The following BCORL1 variants were observed in gnomAD, a reference collection of about 807,000 sequenced individuals.
The protein encoded by BCORL1 is BCL6 corepressor like 1.
A neutral mutation model predicts 87.6 loss-of-function variants in BCORL1; 7 were observed. The ratio of observed to expected loss-of-function variants is 0.08; its 90% CI spans 0.05 to 0.15. The LOEUF (loss-of-function observed/expected upper bound fraction) is 0.15, where lower values mean the gene tolerates loss of function less well. Among genes scored for constraint, BCORL1 ranks in the 10% least tolerant of loss-of-function variants. BCORL1 has a pLI of 1.00. For synonymous variants in BCORL1, 591 were observed against 634.4 expected (o/e 0.93, Z 1.03); for missense variants, 1,215 against 1,499.7 (o/e 0.81, Z 3.13).
intron 11 of BCORL1, among the ~76,000 whole-genome samples, chrX:130,039,748 A>C (rs1201832621): frequency 1.8e-5 from 2 of 113,198 alleles, no homozygotes; most frequent in Admixed American, 1.9e-4. Flanking sequence ...CCGAAGCTTC[A>C]TTCTTTACAG....
At chrX:129,999,155 C>T (rs1254876250) in intron 1 of BCORL1, among the ~76,000 whole-genome samples, 1 of 105,832 alleles carries the variant, frequency 9.4e-6, no homozygotes, top group Non-Finnish European at 1.9e-5. Context: ...GATTTCTGTC[C>T]CAGACCCTAC....
intron 2 of BCORL1, among the ~76,000 whole-genome samples, chrX:130,008,113 A>C (rs1195584383): frequency 9.1e-6 from 1 of 110,207 alleles, no homozygotes; most frequent in Non-Finnish European, 1.9e-5. Context: ...TAGTAGAGAC[A>C]GGGTTTCACC....
rs371180116 is a variant in BCORL1 at position 130,028,899 on chromosome X, T to A, written c.4305+38T>A. The A allele has an allele frequency of 3.4e-4, 84 of 248,543 alleles. No homozygotes were observed. In the African/African-American group the frequency reaches 6.9e-3, roughly 20 times the overall value. 20.5% of individuals were successfully genotyped at this position (248,543 alleles called of 1,213,427 possible). A position where few individuals can be genotyped will look rare whatever the true frequency, so the allele number is the denominator to read the frequency against. On this transcript the variant is annotated intron_variant, in intron 8 of 13. Coordinates refer to ENST00000540052, the MANE Select transcript of BCORL1 (RefSeq NM_001379451.1). ...CAAGGGGTATTGTAGAAGGTGTGTG[T>A]GGCGGGGGGTCAGAGGAGGCAGGAG... is the stretch of plus-strand genomic sequence containing the variant.
intron 9 of BCORL1, among the ~76,000 whole-genome samples, chrX:130,036,256 A>G (rs1200624693): frequency 9.2e-6 from 1 of 108,925 alleles, no homozygotes; most frequent in Admixed American, 9.7e-5. Flanking sequence ...GCAGTATTGG[A>G]TTATCCTTTT....
chrX:130,015,029 A>G lies in BCORL1; in HGVS notation c.2257A>G (p.Ile753Val). 8.3e-7 allele frequency: 1 copy of G among 1,211,743 alleles called. No individual in the cohort carries two copies. The highest frequency in any genetic ancestry group is 1.1e-6 in the Non-Finnish European group (1 of 895,513). Residue 753 changes from isoleucine to valine, a missense_variant, in exon 4 of 14, where the codon ATC becomes GTC. Ile to Val is a conservative substitution (Grantham distance 29, BLOSUM62 3). This residue lies in a region of BCORL1 where 861 missense variants were observed against 1,010.0 expected (regional missense o/e 0.85). Coordinates refer to ENST00000540052, the MANE Select transcript of BCORL1 (RefSeq NM_001379451.1). ...TCTCCCCAAGCAGGAGCCCATCTCCATCATTGATCAAGGAGAGCCTAAGGG... is the reference window on the plus strand; with the variant it reads ...TCTCCCCAAGCAGGAGCCCATCTCCGTCATTGATCAAGGAGAGCCTAAGGG... Reference protein sequence around the residue: ...RHLPKQEPISIIDQGEPKGTG... With the variant: ...RHLPKQEPISVIDQGEPKGTG...
At position 130,022,791 on chromosome X, in the gene BCORL1, A is replaced by G. The variant is rs976639601; in HGVS notation, c.3608-106A>G. 4 of 702,343 alleles carry G rather than the reference A, an allele frequency of 5.7e-6. No individual in the cohort carries two copies. In the African/African-American group the frequency reaches 8.5e-5, roughly 15 times the overall value. 57.9% of individuals were successfully genotyped at this position (702,343 alleles called of 1,213,427 possible). Reference sequence around the variant, plus strand: ...CCAGATTAACCACAGGGTAAACACAAACTCTTTCTCAATCTTTCCCCCGAG... The same window carrying G: ...CCAGATTAACCACAGGGTAAACACAGACTCTTTCTCAATCTTTCCCCCGAG... On this transcript the variant is annotated intron_variant, in intron 5 of 13. Transcript: ENST00000540052.
chrX:130,039,364 C>A (rs1931178420), intron 11 of BCORL1, 82 bp downstream of exon 11: 2 of 1,111,010 alleles, frequency 1.8e-6, no homozygotes, highest in South Asian at 3.9e-5. Context: ...CTCTTCATCT[C>A]CTTCCACCTT....
In BCORL1 at chrX:130,013,401, C is replaced by T. The variant is rs267606346; in HGVS notation, c.629C>T (p.Ser210Leu). 2.4e-5 allele frequency: 29 copies of T among 1,209,269 alleles called. No homozygotes were observed. The highest frequency in any genetic ancestry group is 4.6e-4 in the Middle Eastern group (2 of 4,355). Residue 210 changes from serine to leucine, a missense_variant, in exon 4 of 14, where the codon TCG becomes TTG. Transcript: ENST00000540052. The part of the protein sequence containing the change: ...PAPICPPAPG[S>L]ASVPHSVPDA... ...CCTATCTGTCCCCCTGCTCCCGGTTCGGCCTCTGTGCCCCACTCTGTTCCA... is the reference window on the plus strand; with the variant it reads ...CCTATCTGTCCCCCTGCTCCCGGTTTGGCCTCTGTGCCCCACTCTGTTCCA...
chrX:130,014,668 G>A lies in BCORL1; in HGVS notation c.1896G>A (p.Lys632=). 8.3e-7 allele frequency: 1 copy of A among 1,211,388 alleles called. No homozygotes were observed. Among genetic ancestry groups the A allele is most frequent in the Non-Finnish European group, 1.1e-6 (1 of 895,459 alleles). ...LDLSSKSNRQ[K]LPLPNQRKTP... ...TGTCCTCCAAGTCCAACCGCCAGAAGCTTCCATTGCCGAACCAGCGCAAGA... is the reference window on the plus strand; with the variant it reads ...TGTCCTCCAAGTCCAACCGCCAGAAACTTCCATTGCCGAACCAGCGCAAGA... Residue 632 remains lysine, a synonymous_variant, in exon 4 of 14, where the codon AAG becomes AAA. Transcript: ENST00000540052.
chrX:130,050,303 T>G (rs1048596104), intron 11 of BCORL1, among the ~76,000 whole-genome samples: 1 of 109,130 alleles, frequency 9.2e-6, no homozygotes, highest in Non-Finnish European at 1.9e-5. Context: ...CCAGGTGTGG[T>G]GGTATGCACC....
chrX:130,051,967 G>A lies in BCORL1; in HGVS notation c.5026G>A (p.Asp1676Asn). ...EEDDFMFELS[D>N]KPLLPCYNLQ... ...GGATGATTTCATGTTTGAACTCTCA[G>A]ACAAGCCTCTTCTCCCTTGCTACAA... Residue 1676 changes from aspartate to asparagine, a missense_variant, in exon 13 of 14, where the codon GAC becomes AAC. By Grantham distance (23) the Asp-to-Asn change is conservative (BLOSUM62 1). This residue lies in a region of BCORL1 where 129 missense variants were observed against 157.5 expected (regional missense o/e 0.82). Transcript: ENST00000540052. 1 of 1,208,956 alleles carries A rather than the reference G, an allele frequency of 8.3e-7. No individual in the cohort carries two copies. Among genetic ancestry groups the A allele is most frequent in the Non-Finnish European group, 1.1e-6 (1 of 893,904 alleles).
At chrX:129,995,928 C>T (rs943352566) in intron 1 of BCORL1, among the ~76,000 whole-genome samples, 2 of 111,710 alleles carry the variant, frequency 1.8e-5, no homozygotes, top group South Asian at 7.5e-4. Flanking sequence ...GTTGTCCTTG[C>T]TGGGTGTGTG....
rs757567459 is a variant in BCORL1, at chrX:130,015,129, C to T, written c.2357C>T (p.Thr786Ile). The change falls in exon 4 of 14, where the codon ACT becomes ATT. Residue 786 changes from threonine to isoleucine, a missense_variant. By Grantham distance (89) the Thr-to-Ile change is moderately conservative. Transcript: ENST00000540052. ...EGQPSTVKRY[T>I]PARIAPGLPG... The stretch of plus-strand genomic sequence containing the variant: ...CAGCCAAGCACAGTGAAACGATATA[C>T]TCCAGCCCGCATTGCCCCTGGGCTG... The T allele has an allele frequency of 8.2e-7, 1 of 1,212,334 alleles. No homozygotes were observed. The highest frequency in any genetic ancestry group is 3.0e-5 in the East Asian group (1 of 33,859).
At chrX:130,052,474 C>T (rs960310586) in intron 13 of BCORL1, among the ~76,000 whole-genome samples, 7 of 112,592 alleles carry the variant, frequency 6.2e-5, no homozygotes, top group Non-Finnish European at 1.3e-4. Flanking sequence ...ATGTTAGTAG[C>T]GTGGTGCTGC....
chrX:130,017,230 C>T (rs1056600454), intron 4 of BCORL1, among the ~76,000 whole-genome samples: 1 of 110,709 alleles, frequency 9.0e-6, no homozygotes, highest in East Asian at 2.8e-4. Flanking sequence ...CAAAGCTCAC[C>T]CAGGGACTGC....
Position 130,015,375 on chromosome X carries a change from A to G in BCORL1, c.2603A>G (p.Glu868Gly), listed in dbSNP as rs890494422. 8.3e-7 allele frequency: 1 copy of G among 1,211,687 alleles called. No individual in the cohort carries two copies. Residue 868 changes from glutamate (E) to glycine (G), a missense_variant, in exon 4 of 14, where the codon GAG becomes GGG. By Grantham distance (98) the Glu-to-Gly change is moderately conservative (BLOSUM62 -2). Transcript: ENST00000540052. ...APIRPTSVVSEFSGVPSLSSS... is the reference protein window; with the variant it reads ...APIRPTSVVSGFSGVPSLSSS... ...ATCAGGCCCACCAGCGTTGTTTCGGAGTTTTCTGGTGTGCCATCTCTCAGC... is the reference window on the plus strand; with the variant it reads ...ATCAGGCCCACCAGCGTTGTTTCGGGGTTTTCTGGTGTGCCATCTCTCAGC...
intron 8 of BCORL1, 143 bp downstream of exon 8, chrX:130,029,004 G>A (rs1930420340): frequency 4.0e-6 from 2 of 500,704 alleles, no homozygotes; most frequent in Non-Finnish European, 6.6e-6. Context: ...GGTTGGGGGT[G>A]GATTTGAAGA....
intron 1 of BCORL1, among the ~76,000 whole-genome samples, chrX:129,993,930 G>GCCC (rs150620597): frequency 1.9e-5 from 2 of 107,412 alleles, no homozygotes; most frequent in East Asian, 5.8e-4. Context: ...GATTACAGAT[G>GCCC]CCCCCCCACC....
intron 1 of BCORL1, among the ~76,000 whole-genome samples, chrX:129,993,778 T>A: frequency 8.9e-6 from 1 of 112,232 alleles, no homozygotes; most frequent in Middle Eastern, 4.6e-3. Flanking sequence ...CTTTTTTTTA[T>A]TTTTTAATTT....
Sources: allele counts gnomAD v4.1 joint callset (sites outside exome capture counted in the v4.1 genomes callset), GRCh38; gene constraint gnomAD v4.1.1; regional missense constraint gnomAD v4.1.1; transcripts MANE v1.5; gene names NCBI Gene and HGNC (gene_info 2026-07-23, HGNC 2026-07-21).